UTY: variants seen among roughly 807,000 people sequenced by gnomAD.
UTY encodes the protein histone demethylase UTY.
A neutral mutation model predicts 32.5 loss-of-function variants in UTY; 12 were observed. That is an observed-to-expected ratio of 0.37 (90% CI 0.24 to 0.60). The LOEUF is 0.60. Ranked by LOEUF, UTY falls within the 20% of genes least tolerant of loss-of-function variation. The pLI, the probability that UTY is intolerant of heterozygous loss-of-function variation, is 0.69. For missense variants in UTY, 303 were observed against 299.2 expected, an observed-to-expected ratio of 1.01 and a Z score of -0.09; for synonymous variants, 131 against 103.4, an observed-to-expected ratio of 1.27 and a Z score of -1.62.
intron 3 of UTY, among the ~76,000 whole-genome samples, chrY:13,465,244 T>A: frequency 5.9e-5 from 2 of 33,859 alleles, no homozygotes; most frequent in African/African-American, 2.3e-4. Context: ...AAGAACGTCA[T>A]GTGCCAATGT....
At chrY:13,450,407 T>C (rs2076226838) in intron 3 of UTY, among the ~76,000 whole-genome samples, 1 of 33,704 alleles carries the variant, frequency 3.0e-5, no homozygotes, top group African/African-American at 1.2e-4. Context: ...ATAGGACCAC[T>C]AGACCCACCA....
chrY:13,361,548 G>C (rs2063553015), intron 10 of UTY, among the ~76,000 whole-genome samples: 1 of 32,385 alleles, frequency 3.1e-5, no homozygotes, highest in Admixed American at 2.8e-4. Flanking sequence ...GGGGTTGGGG[G>C]GGCAATTGTT....
chrY:13,346,532 C>G, intron 17 of UTY, among the ~76,000 whole-genome samples: 1 of 33,077 alleles, frequency 3.0e-5, no homozygotes, highest in South Asian at 6.7e-4. Context: ...AATATGGGAG[C>G]CTAAGAATTG....
chrY:13,385,859 G>A, intron 8 of UTY, among the ~76,000 whole-genome samples: 1 of 32,404 alleles, frequency 3.1e-5, no homozygotes, highest in Non-Finnish European at 7.5e-5. Context: ...CAATTCTTCT[G>A]TGTCTCAATC....
chrY:13,348,084 C>A, intron 17 of UTY, among the ~76,000 whole-genome samples: 1 of 32,929 alleles, frequency 3.0e-5, no homozygotes, highest in South Asian at 6.6e-4. Flanking sequence ...AGGGATAAAA[C>A]AGAATAGAAA....
At chrY:13,434,643 T>A in intron 4 of UTY, among the ~76,000 whole-genome samples, 1 of 33,919 alleles carries the variant, frequency 2.9e-5, no homozygotes, top group Admixed American at 2.7e-4. Context: ...TATCATTGTA[T>A]CAGATAAAAG....
At chrY:13,289,418 C>A in intron 27 of UTY, among the ~76,000 whole-genome samples, 1 of 34,220 alleles carries the variant, frequency 2.9e-5, no homozygotes, top group Non-Finnish European at 7.3e-5. Flanking sequence ...TAACTTAGAA[C>A]CAATGTTATT....
intron 27 of UTY, among the ~76,000 whole-genome samples, chrY:13,283,601 G>A: frequency 3.0e-5 from 1 of 33,233 alleles, no homozygotes; most frequent in Non-Finnish European, 7.4e-5. Context: ...AGCTTGGACA[G>A]GTAGGTCCCT....
intron 6 of UTY, 77 bp downstream of exon 6, chrY:13,410,916 A>G: frequency 2.9e-6 from 1 of 349,493 alleles, no homozygotes; most frequent in Non-Finnish European, 4.0e-6. Context: ...CAGTGACATT[A>G]AAGTGTGCAT....
At chrY:13,341,966 G>A (rs747189539) in intron 17 of UTY, among the ~76,000 whole-genome samples, 6 of 33,314 alleles carry the variant, frequency 1.8e-4, no homozygotes, top group Admixed American at 1.6e-3. Flanking sequence ...TACCCGAGAA[G>A]GGGACATGAC....
intron 28 of UTY, among the ~76,000 whole-genome samples, chrY:13,259,090 T>C: frequency 2.9e-5 from 1 of 35,041 alleles, no homozygotes; most frequent in Non-Finnish European, 7.2e-5. Context: ...GACATGCTCC[T>C]GCTGCAGTTA....
chrY:13,467,116 G>A (rs2077978673), intron 3 of UTY, among the ~76,000 whole-genome samples: 1 of 33,595 alleles, frequency 3.0e-5, no homozygotes. Flanking sequence ...CATTTTGGGA[G>A]GCTGGTCTTG....
chrY:13,283,498 GGA>G (rs2057166682), intron 27 of UTY, among the ~76,000 whole-genome samples: 1 of 33,559 alleles, frequency 3.0e-5, no homozygotes, highest in African/African-American at 1.2e-4. Flanking sequence ...AGAATTTAAA[GGA>G]GATTACGGTG....
At chrY:13,413,437 C>T (rs2149684016) in intron 5 of UTY, among the ~76,000 whole-genome samples, 9 of 33,931 alleles carry the variant, frequency 2.7e-4, no homozygotes, top group African/African-American at 1.0e-3. Flanking sequence ...GGGACTGAAC[C>T]AACTGGGAGG....
chrY:13,358,415 A>T, intron 14 of UTY, 49 bp downstream of exon 14: 1 of 370,872 alleles, frequency 2.7e-6, no homozygotes, highest in Non-Finnish European at 3.7e-6. Flanking sequence ...CAGAAGAGTT[A>T]GTTTCATTTT....
intron 5 of UTY, among the ~76,000 whole-genome samples, chrY:13,414,057 G>A (rs1273880185): frequency 2.1e-4 from 7 of 34,098 alleles, no homozygotes. Context: ...AAGTTTTTCT[G>A]CCTTTCGATT....
At chrY:13,344,742 A>G in intron 17 of UTY, among the ~76,000 whole-genome samples, 1 of 33,239 alleles carries the variant, frequency 3.0e-5, no homozygotes, top group African/African-American at 1.2e-4. Context: ...CGAGTTCTGT[A>G]AAAGTTGAAA....
chrY:13,378,806 T>C (rs945068204), intron 8 of UTY, among the ~76,000 whole-genome samples: 11 of 31,910 alleles, frequency 3.4e-4, no homozygotes, highest in Non-Finnish European at 7.6e-4. Context: ...GCAAGTCTCA[T>C]CTTTCAGCCT....
At chrY:13,239,148 C>A (rs1004295407) in intron 28 of UTY, among the ~76,000 whole-genome samples, 3 of 33,002 alleles carry the variant, frequency 9.1e-5, no homozygotes, top group Admixed American at 2.7e-4. Flanking sequence ...AGAACTAAAT[C>A]AATTCTGGAA....
Sources: gnomAD v4.1 joint callset for allele counts (sites outside exome capture counted in the v4.1 genomes callset) on GRCh38, gnomAD v4.1.1 for gene constraint, MANE v1.5 for transcripts, NCBI Gene and HGNC (gene_info 2026-07-23, HGNC 2026-07-21) for gene names.